RINL: variants seen among roughly 807,000 people sequenced by gnomAD.
The protein encoded by RINL is Ras and Rab interactor like, also known as ras and Rab interactor-like protein.
Under a neutral mutation model 58.1 loss-of-function variants are expected in RINL, and 39 were observed. The ratio of observed to expected loss-of-function variants is 0.67; its 90% CI spans 0.52 to 0.88. The LOEUF is 0.88. Among genes scored for constraint, RINL ranks in the 40% least tolerant of loss-of-function variants. The probability of loss-of-function intolerance (pLI) is 0.00; values close to 1 mark genes in which losing one functional copy is unlikely to be tolerated. For synonymous variants in RINL, 286 were observed against 323.1 expected, an observed-to-expected ratio of 0.89 and a Z score of 1.23; for missense variants, 711 against 749.2, an observed-to-expected ratio of 0.95 and a Z score of 0.60.
chr19:38,876,407 C>T lies in RINL; in HGVS notation c.134G>A (p.Arg45Lys), dbSNP rs776068368. Residue 45 changes from arginine to lysine, a missense_variant, in exon 3 of 12, where the codon AGG becomes AAG. Arg to Lys is a conservative substitution (Grantham distance 26). Transcript: ENST00000591812. Reference protein sequence around the residue: ...STLEPLTRLQRTWGVWHVPEL... With the variant: ...STLEPLTRLQKTWGVWHVPEL... ...TGGCACATGCCACACCCCCCATGTC[C>T]TCTGCAGGCGAGTAAGTGGCTCTAG... 5.2e-6 allele frequency: 8 copies of T among 1,536,144 alleles called. No individual in the cohort carries two copies. The highest frequency in any genetic ancestry group is 6.1e-6 in the Non-Finnish European group (7 of 1,146,904).
intron 6 of RINL, 101 bp from the exon 7 acceptor site, chr19:38,871,328 G>A: frequency 7.4e-7 from 1 of 1,343,388 alleles, no homozygotes; most frequent in Non-Finnish European, 1.0e-6. Context: ...CATTGCTGGA[G>A]GTGCTGAGGC....
chr19:38,871,481 C>CCCCT, intron 6 of RINL, 166 bp downstream of exon 6: 1 of 708,924 alleles, frequency 1.4e-6, no homozygotes, highest in South Asian at 1.9e-5. Context: ...AGGCCCCCAT[C>CCCCT]CCCTCCTCCC....
At chr19:38,876,656 G>A in intron 2 of RINL, 37 bp downstream of exon 2, 1 of 1,523,926 alleles carries the variant, frequency 6.6e-7, no homozygotes, top group Non-Finnish European at 8.8e-7. Flanking sequence ...CTGGATGCAG[G>A]GGAAGGAGGG....
At chr19:38,877,261 C>A (rs1972954217) in intron 1 of RINL, among the ~76,000 whole-genome samples, 1 of 152,162 alleles carries the variant, frequency 6.6e-6, no homozygotes, top group Non-Finnish European at 1.5e-5. Flanking sequence ...ATCTGGGGAT[C>A]CCAGGAGAGA....
chr19:38,873,908 G>A lies in RINL; in HGVS notation c.291C>T (p.Tyr97=). The change falls in exon 4 of 12, where the codon TAC becomes TAT. Residue 97 remains tyrosine (Y), a synonymous_variant. Transcript: ENST00000591812. ...SGPLPGEVNT[Y]QIQKIPRGVS... is the part of the protein sequence containing the mutation. ...TACCTCTGGGAATCTTCTGGATCTGGTAGGTATTGACTTCTCCTGGTAAAG... is the reference window on the plus strand; with the variant it reads ...TACCTCTGGGAATCTTCTGGATCTGATAGGTATTGACTTCTCCTGGTAAAG... 6.5e-7 allele frequency: 1 copy of A among 1,534,760 alleles called. No individual in the cohort carries two copies. Among genetic ancestry groups the A allele is most frequent in the South Asian group, 1.2e-5 (1 of 84,044 alleles).
intron 3 of RINL, among the ~76,000 whole-genome samples, chr19:38,874,864 G>A (rs1433191906): frequency 6.6e-6 from 1 of 152,214 alleles, no homozygotes; most frequent in African/African-American, 2.4e-5. Flanking sequence ...GCCGGGCACG[G>A]TGGCTCACGC....
chr19:38,870,279 G>C lies in RINL; in HGVS notation c.1025-19C>G. The C allele has an allele frequency of 7.3e-7, 1 of 1,377,434 alleles. No homozygotes were observed. 85.3% of individuals were successfully genotyped at this position (1,377,434 alleles called of 1,614,324 possible). On this transcript the variant is annotated intron_variant, in intron 8 of 11. Transcript: ENST00000591812. The surrounding 1 kb of genome is among the most constrained non-coding windows in gnomAD (Gnocchi z 5.8). ...GCGGGGCCTGCGGGGTGTGGGGGAC[G>C]GGTGAGCACAGGACCGCCAAGTTGT...
chr19:38,873,764 G>T (rs547557378), intron 4 of RINL, 122 bp downstream of exon 4: 61 of 598,268 alleles, frequency 1.0e-4, no homozygotes, highest in Admixed American at 2.8e-4. Flanking sequence ...GGCCTCAAGC[G>T]ATCCACCCGC....
Position 38,876,761 on chromosome 19 carries a change from C to CA in RINL, c.-20dup. On this transcript the variant is annotated 5_prime_UTR_variant, in exon 2 of 12. An upstream open reading frame in the 5' UTR loses its in-frame stop. Transcript: ENST00000591812. ...GGGCCATCGTCAGGTTGCAGGAAGC[C>CA]AGTGAGTCATGACCTGGCCTCTGGC... 1 of 1,535,654 alleles carries CA rather than the reference C, an allele frequency of 6.5e-7. No individual in the cohort carries two copies. The highest frequency in any genetic ancestry group is 8.7e-7 in the Non-Finnish European group (1 of 1,146,514).
intron 1 of RINL, among the ~76,000 whole-genome samples, chr19:38,877,221 G>T (rs1227378889): frequency 6.6e-6 from 1 of 152,154 alleles, no homozygotes; most frequent in Non-Finnish European, 1.5e-5. Flanking sequence ...GGCCGGCAGG[G>T]GTTAAATCTT....
At chr19:38,872,212 A>G (rs1568387580) in intron 4 of RINL, among the ~76,000 whole-genome samples, 2 of 152,190 alleles carry the variant, frequency 1.3e-5, no homozygotes, top group African/African-American at 4.8e-5. Flanking sequence ...CAGTCAGGGT[A>G]CGGTGGCTCA....
chr19:38,871,501 A>G (rs1972813888), intron 6 of RINL, 146 bp downstream of exon 6: 1 of 776,046 alleles, frequency 1.3e-6, no homozygotes, highest in South Asian at 1.8e-5. Flanking sequence ...CTCTGGGACT[A>G]CAAAGTCCAG....
chr19:38,871,214 G>T lies in RINL; in HGVS notation c.465C>A (p.Ile155=), dbSNP rs367723236. 6.2e-7 allele frequency: 1 copy of T among 1,613,984 alleles called. No individual in the cohort carries two copies. Among genetic ancestry groups the T allele is most frequent in the Non-Finnish European group, 8.5e-7 (1 of 1,179,994 alleles). The change falls in exon 7 of 12, where the codon ATC becomes ATA. Residue 155 remains isoleucine (I), a synonymous_variant. Transcript: ENST00000591812. ...PRDEHTDPVQ[I]GRVQQDTPGK... is the part of the protein sequence containing the mutation. ...CTGGGGTGTCCTGTTGGACCCTGCC[G>T]ATCTGCACAGGATCTGGAGCCAGCA...
Position 38,869,522 on chromosome 19 carries a change from C to T in RINL, c.1474+51G>A. 1 of 1,602,016 alleles carries T rather than the reference C, an allele frequency of 6.2e-7. No homozygotes were observed. ...GCTGCGGGGGGAGGCTGTTTGGGAT[C>T]CCGGAGGTACTGGATCGCTGGGCTC... is the stretch of plus-strand genomic sequence containing the variant. On this transcript the variant is annotated intron_variant, in intron 10 of 11. Coordinates refer to ENST00000591812, the MANE Select transcript of RINL (RefSeq NM_001195833.2). This position sits in a 1 kb window ranked among gnomAD's most constrained non-coding sequence, Gnocchi z 5.7.
At chr19:38,877,030 C>T (rs1972945233) in intron 1 of RINL, among the ~76,000 whole-genome samples, 1 of 152,206 alleles carries the variant, frequency 6.6e-6, no homozygotes, top group Non-Finnish European at 1.5e-5. Context: ...TCTTGTGCCT[C>T]AGTCTCCCGA....
In RINL at chr19:38,869,736, G is replaced by T. The variant is rs867089893; in HGVS notation, c.1343-32C>A. 1.9e-6 allele frequency: 3 copies of T among 1,612,554 alleles called. No homozygotes were observed. The Middle Eastern group carries it at 5.3e-4, about 283-fold the overall frequency. Reference sequence around the variant, plus strand: ...AAACCAGAGGAAAGGTCTTGAGATGGATCCCCATCTCAAGGCGCGTAGACA... The same window carrying T: ...AAACCAGAGGAAAGGTCTTGAGATGTATCCCCATCTCAAGGCGCGTAGACA... On this transcript the variant is annotated intron_variant, in intron 9 of 11. Coordinates refer to ENST00000591812, the MANE Select transcript of RINL (RefSeq NM_001195833.2). This position sits in a 1 kb window ranked among gnomAD's most constrained non-coding sequence, Gnocchi z 5.7.
At chr19:38,871,947 C>T (rs79770648) in intron 4 of RINL, 77 bp from the exon 5 acceptor site, 13,472 of 1,114,102 alleles carry the variant, frequency 0.012, 627 homozygotes, top group East Asian at 0.11. Flanking sequence ...GCTCTTGCTC[C>T]TCCATTCCTT....
rs1355899111 is a variant in RINL at position 38,870,375 on chromosome 19, G to A, written c.1025-115C>T. The A allele has an allele frequency of 6.1e-5, 64 of 1,041,138 alleles. No individual in the cohort carries two copies. The highest frequency in any genetic ancestry group is 2.9e-5 in the East Asian group (1 of 34,608). 64.5% of individuals were successfully genotyped at this position (1,041,138 alleles called of 1,614,324 possible). On this transcript the variant is annotated intron_variant, in intron 8 of 11. Coordinates refer to ENST00000591812, the MANE Select transcript of RINL (RefSeq NM_001195833.2). This position sits in a 1 kb window ranked among gnomAD's most constrained non-coding sequence, Gnocchi z 5.8. ...CACCCCTGCCTAGCTCTGGTCCCCCGTGAGTGTAGACATGGTTGTGAACAT... is the reference window on the plus strand; with the variant it reads ...CACCCCTGCCTAGCTCTGGTCCCCCATGAGTGTAGACATGGTTGTGAACAT...
Position 38,876,819 on chromosome 19 carries a change from C to T in RINL, c.-39-38G>A. On this transcript the variant is annotated intron_variant, in intron 1 of 11. Coordinates refer to ENST00000591812, the MANE Select transcript of RINL (RefSeq NM_001195833.2). ...AAGGTAAGACTCAAAGCTGCTCTAGCCCTCGGGTCATGTTCAAGATATTTA... is the reference window on the plus strand; with the variant it reads ...AAGGTAAGACTCAAAGCTGCTCTAGTCCTCGGGTCATGTTCAAGATATTTA... The T allele has an allele frequency of 6.8e-6, 8 of 1,172,760 alleles. No homozygotes were observed. In the South Asian group the frequency reaches 1.0e-4, roughly 15 times the overall value. 72.6% of individuals were successfully genotyped at this position (1,172,760 alleles called of 1,614,324 possible).
Sources: allele counts gnomAD v4.1 joint callset (sites outside exome capture counted in the v4.1 genomes callset), GRCh38; gene constraint gnomAD v4.1.1; non-coding constraint Gnocchi (gnomAD v3.1); transcripts MANE v1.5; gene names NCBI Gene and HGNC (gene_info 2026-07-23, HGNC 2026-07-21).